Variants in TBL1XR1 observed in about 807,000 individuals in gnomAD.
The protein encoded by TBL1XR1 is TBL1X/Y related 1.
In TBL1XR1, 5 loss-of-function variants were observed where a neutral mutation model predicts 66.9. The ratio of observed to expected loss-of-function variants is 0.07; its 90% CI spans 0.04 to 0.16. The LOEUF (loss-of-function observed/expected upper bound fraction) is 0.16, where lower values mean the gene tolerates loss of function less well. Ranked by LOEUF, TBL1XR1 falls within the 10% of genes least tolerant of loss-of-function variation. The pLI is 1.00. For synonymous variants in TBL1XR1, 210 were observed against 206.0 expected, an observed-to-expected ratio of 1.02 and a Z score of -0.17; for missense variants, 238 against 623.2, an observed-to-expected ratio of 0.38 and a Z score of 6.58.
intron 1 of TBL1XR1, among the ~76,000 whole-genome samples, chr3:177,184,133 C>T (rs1014547699): frequency 6.6e-6 from 1 of 152,092 alleles, no homozygotes; most frequent in Admixed American, 6.6e-5. Flanking sequence ...GAAGGCAAGC[C>T]CCTTTACTGG....
intron 2 of TBL1XR1, among the ~76,000 whole-genome samples, chr3:177,071,407 T>C (rs1374333075): frequency 1.3e-5 from 2 of 152,052 alleles, no homozygotes; most frequent in African/African-American, 4.8e-5. Context: ...TAGAAGAAGA[T>C]GTGGTTATTC....
chr3:177,177,783 GCTAGGTCCTGTT>G (rs1734332409), intron 1 of TBL1XR1, among the ~76,000 whole-genome samples: 1 of 152,074 alleles, frequency 6.6e-6, no homozygotes, highest in Non-Finnish European at 1.5e-5. Flanking sequence ...TTACGAACCT[GCTAGGTCCTGTT>G]CTAGGTAGCT....
At chr3:177,180,221 G>C (rs1281845241) in intron 1 of TBL1XR1, among the ~76,000 whole-genome samples, 1 of 123,504 alleles carries the variant, frequency 8.1e-6, no homozygotes, top group Non-Finnish European at 1.6e-5. Context: ...TGGTGACGGA[G>C]CAAGACTCCG....
intron 3 of TBL1XR1, among the ~76,000 whole-genome samples, chr3:177,063,049 G>A (rs369019135): frequency 6.6e-6 from 1 of 151,916 alleles, no homozygotes; most frequent in African/African-American, 2.4e-5. Flanking sequence ...CAGGAGAATC[G>A]CTTGAACCCG....
At chr3:177,108,414 T>G (rs1725143934) in intron 1 of TBL1XR1, among the ~76,000 whole-genome samples, 1 of 152,214 alleles carries the variant, frequency 6.6e-6, no homozygotes, top group Non-Finnish European at 1.5e-5. Flanking sequence ...CTTTCTGTTC[T>G]GTTTAAAAAC....
chr3:177,132,128 T>C (rs952093483), intron 1 of TBL1XR1, among the ~76,000 whole-genome samples: 11 of 152,202 alleles, frequency 7.2e-5, no homozygotes, highest in African/African-American at 2.6e-4. Context: ...CTGTTAACAG[T>C]GAGACTGATG....
At chr3:177,101,549 A>G (rs532814237) in intron 1 of TBL1XR1, among the ~76,000 whole-genome samples, 13 of 152,174 alleles carry the variant, frequency 8.5e-5, no homozygotes, top group Non-Finnish European at 1.9e-4. Flanking sequence ...TGGCCACTTT[A>G]TAAGAAGAGC....
chr3:177,151,820 T>C (rs1730922510), intron 1 of TBL1XR1, among the ~76,000 whole-genome samples: 1 of 152,110 alleles, frequency 6.6e-6, no homozygotes, highest in South Asian at 2.1e-4. Context: ...GTTCAGAAGT[T>C]TGAGACCAAC....
At chr3:177,184,333 A>G (rs937458037) in intron 1 of TBL1XR1, among the ~76,000 whole-genome samples, 2 of 152,194 alleles carry the variant, frequency 1.3e-5, no homozygotes, top group African/African-American at 4.8e-5. Context: ...ATTGTGCCAA[A>G]TACTATAATT....
intron 1 of TBL1XR1, among the ~76,000 whole-genome samples, chr3:177,135,744 C>G (rs549912276): frequency 6.6e-6 from 1 of 152,046 alleles, no homozygotes; most frequent in African/African-American, 2.4e-5. Context: ...CAGCTTACAG[C>G]TGCAAAAATA....
intron 2 of TBL1XR1, among the ~76,000 whole-genome samples, chr3:177,091,431 T>C (rs1173626006): frequency 6.6e-6 from 1 of 152,060 alleles, no homozygotes; most frequent in Non-Finnish European, 1.5e-5. Flanking sequence ...TATATAAATA[T>C]TCTTTTTCAC....
intron 1 of TBL1XR1, among the ~76,000 whole-genome samples, chr3:177,102,592 T>C (rs1724362216): frequency 6.6e-6 from 1 of 152,244 alleles, no homozygotes; most frequent in Non-Finnish European, 1.5e-5. Context: ...TGAAACTATT[T>C]GTATTAAAGG....
At chr3:177,130,697 G>C (rs1407075126) in intron 1 of TBL1XR1, among the ~76,000 whole-genome samples, 1 of 148,286 alleles carries the variant, frequency 6.7e-6, no homozygotes, top group Non-Finnish European at 1.5e-5. Flanking sequence ...TTCAAAACAA[G>C]TTAACAAGTT....
At position 177,025,420 on chromosome 3, in the gene TBL1XR1, T is replaced by G; in HGVS notation, c.*78A>C. ...ACTGGCCATGGTTCAAGTGGGACTA[T>G]AGCAGTACATGGGTCAGGGACAGTC... On this transcript the variant is annotated 3_prime_UTR_variant, in exon 16 of 16. Coordinates refer to ENST00000457928, the MANE Select transcript of TBL1XR1 (RefSeq NM_024665.7). The G allele has an allele frequency of 2.7e-6, 4 of 1,468,190 alleles. No homozygotes were observed. Among genetic ancestry groups the G allele is most frequent in the South Asian group, 1.2e-5 (1 of 86,210 alleles). 90.9% of individuals were successfully genotyped at this position (1,468,190 alleles called of 1,614,324 possible).
intron 1 of TBL1XR1, among the ~76,000 whole-genome samples, chr3:177,109,621 A>C (rs1725307376): frequency 6.6e-6 from 1 of 152,192 alleles, no homozygotes; most frequent in Non-Finnish European, 1.5e-5. Flanking sequence ...TGGGGACAAA[A>C]CTTACTAAAA....
intron 1 of TBL1XR1, among the ~76,000 whole-genome samples, chr3:177,129,794 G>T (rs2108781474): frequency 6.6e-6 from 1 of 152,276 alleles, no homozygotes; most frequent in Non-Finnish European, 1.5e-5. Flanking sequence ...CACACTGGTG[G>T]TAGAAATATC....
intron 1 of TBL1XR1, among the ~76,000 whole-genome samples, chr3:177,191,578 T>A (rs1736144078): frequency 6.6e-6 from 1 of 152,118 alleles, no homozygotes; most frequent in South Asian, 2.1e-4. Flanking sequence ...TGAACACTAG[T>A]GCTAAATTAA....
rs145981503 is a variant in TBL1XR1 at position 177,049,690 on chromosome 3, T to G, written c.702+307A>C. 5.6e-4 allele frequency among the ~76,000 whole-genome samples: 85 copies of G among 152,282 alleles called. 1 individual carries two copies. The highest frequency in any genetic ancestry group is 1.9e-3 in the African/African-American group (79 of 41,552). On this transcript the variant is annotated intron_variant, in intron 7 of 15. Transcript: ENST00000457928. ...AATTTTCACCTATTATCTCAAATATTTAGGTACCATTTTCACACTTCTACT... is the reference window on the plus strand; with the variant it reads ...AATTTTCACCTATTATCTCAAATATGTAGGTACCATTTTCACACTTCTACT...
At chr3:177,127,871 A>G (rs983904876) in intron 1 of TBL1XR1, among the ~76,000 whole-genome samples, 1 of 152,160 alleles carries the variant, frequency 6.6e-6, no homozygotes, top group Non-Finnish European at 1.5e-5. Context: ...TACTTTAAAA[A>G]CTTGGTCAAG....
Sources: allele counts gnomAD v4.1 joint callset (sites outside exome capture counted in the v4.1 genomes callset), GRCh38; gene constraint gnomAD v4.1.1; transcripts MANE v1.5; gene names NCBI Gene and HGNC (gene_info 2026-07-23, HGNC 2026-07-21).